Variants in CCDC88A observed in about 807,000 individuals in gnomAD.
CCDC88A encodes coiled-coil and HOOK domain protein 88A.
In CCDC88A, 54 loss-of-function variants were observed where a neutral mutation model predicts 234.3. The observed-to-expected ratio is 0.23, with a 90% CI of 0.19 to 0.29. The LOEUF (loss-of-function observed/expected upper bound fraction) is 0.29, where lower values mean the gene tolerates loss of function less well. Among genes scored for constraint, CCDC88A ranks in the 10% least tolerant of loss-of-function variants. The probability of loss-of-function intolerance (pLI) is 1.00; values close to 1 mark genes in which losing one functional copy is unlikely to be tolerated. For synonymous variants in CCDC88A, 753 were observed against 737.8 expected (o/e 1.02, Z -0.33); for missense variants, 1,832 against 2,123.4 (o/e 0.86, Z 2.70).
chr2:55,419,147 G>A lies in CCDC88A; in HGVS notation c.-68C>T. On this transcript the variant is annotated 5_prime_UTR_variant, in exon 1 of 33. It adds an upstream start codon to the 5' untranslated region. Coordinates refer to ENST00000436346, the MANE Select transcript of CCDC88A (RefSeq NM_001365480.1). ...ACGCCTAGGGAATTGGTCACTAAAC[G>A]TGGAAGTAAGTAGAAATCAATGAAA... is the stretch of plus-strand genomic sequence containing the variant. 1 of 908,608 alleles carries A rather than the reference G, an allele frequency of 1.1e-6. No homozygotes were observed. The highest frequency in any genetic ancestry group is 1.8e-6 in the Non-Finnish European group (1 of 557,440). The allele number at this position is 908,608 out of a possible 1,614,324, so 56.3% of individuals were successfully genotyped here. A position where few individuals can be genotyped will look rare whatever the true frequency, so the allele number is the denominator to read the frequency against.
rs1459908941 is a variant in CCDC88A at position 55,309,534 on chromosome 2, A to G, written c.4080-280T>C. Among the ~76,000 whole-genome samples the G allele has an allele frequency of 6.6e-6, 1 of 152,206 alleles. No homozygotes were observed. The highest frequency in any genetic ancestry group is 1.5e-5 in the Non-Finnish European group (1 of 68,014). ...AACATTGTTTAGTTTGCTTACAATTATAGATATAATAAATAATCCTGCAAA... is the reference window on the plus strand; with the variant it reads ...AACATTGTTTAGTTTGCTTACAATTGTAGATATAATAAATAATCCTGCAAA... On this transcript the variant is annotated intron_variant, in intron 23 of 32. Transcript: ENST00000436346. The surrounding 1 kb of genome is among the most constrained non-coding windows in gnomAD (Gnocchi z 5.1).
chr2:55,336,950 G>C, intron 13 of CCDC88A, 132 bp from the exon 14 acceptor site: 1 of 532,896 alleles, frequency 1.9e-6, no homozygotes, highest in Non-Finnish European at 3.2e-6. Context: ...TAAGAAATTA[G>C]TATAGAAATT....
intron 3 of CCDC88A, among the ~76,000 whole-genome samples, chr2:55,382,822 A>G (rs1277393285): frequency 6.6e-6 from 1 of 152,046 alleles, no homozygotes; most frequent in Admixed American, 6.6e-5. Context: ...TTCTCTCATG[A>G]CCTCTCATAT....
In CCDC88A at chr2:55,332,519, AAAAAAAAAAAAT is replaced by A. The variant is rs770785719; in HGVS notation, c.2855+35_2855+46del. The A allele has an allele frequency of 6.4e-7, 1 of 1,569,474 alleles. No individual in the cohort carries two copies. Among genetic ancestry groups the A allele is most frequent in the Admixed American group, 1.9e-5 (1 of 52,524 alleles). Reference sequence around the variant, plus strand: ...CAGAAAGAATTCATGTATGAGCAAAAAAAAAAAAAAATTTTCAACTGTTTGCCAAGTAGACTT... The same window carrying A: ...CAGAAAGAATTCATGTATGAGCAAAATTTCAACTGTTTGCCAAGTAGACTT... On this transcript the variant is annotated intron_variant, in intron 16 of 32. Transcript: ENST00000436346. The surrounding 1 kb of genome is among the most constrained non-coding windows in gnomAD (Gnocchi z 4.5).
intron 29 of CCDC88A, among the ~76,000 whole-genome samples, chr2:55,299,220 C>G (rs1037317838): frequency 6.6e-6 from 1 of 152,016 alleles, no homozygotes; most frequent in African/African-American, 2.4e-5. Flanking sequence ...AACAAACAAA[C>G]AACTTCCAGA....
chr2:55,327,208 C>T (rs1684375071), intron 17 of CCDC88A, among the ~76,000 whole-genome samples: 1 of 151,894 alleles, frequency 6.6e-6, no homozygotes, highest in African/African-American at 2.4e-5. Context: ...ATGGTGTCAG[C>T]AAATAGTGGA....
chr2:55,360,460 T>A (rs554021509), intron 7 of CCDC88A, among the ~76,000 whole-genome samples: 3 of 152,304 alleles, frequency 2.0e-5, no homozygotes, highest in East Asian at 3.9e-4. Context: ...GGGAAAAAAA[T>A]TTCCCGGATA....
chr2:55,349,868 C>T (rs193279718), intron 8 of CCDC88A: 44 of 259,262 alleles, frequency 1.7e-4, no homozygotes, highest in South Asian at 5.5e-4. Context: ...TTTCATCTTT[C>T]CTGCCCTTCC....
At chr2:55,307,859 C>G (rs1681811935) in intron 25 of CCDC88A, 2 of 152,146 alleles carry the variant, frequency 1.3e-5, no homozygotes, top group Non-Finnish European at 2.9e-5. Flanking sequence ...GCAATCTTGA[C>G]CCACTGAAAA....
At chr2:55,409,215 T>C (rs4672035) in intron 2 of CCDC88A, among the ~76,000 whole-genome samples, 124,044 of 152,132 alleles carry the variant, frequency 0.82, 51,436 homozygotes, top group Admixed American at 0.91. Context: ...TTTCTCAAAC[T>C]TCCTAATTCC....
chr2:55,372,674 C>CAT (rs1673014513), intron 4 of CCDC88A, among the ~76,000 whole-genome samples, 164 bp from the exon 5 acceptor site: 1 of 151,902 alleles, frequency 6.6e-6, no homozygotes, highest in East Asian at 1.9e-4. Context: ...TGTATGTACA[C>CAT]GGTGGTAACA....
chr2:55,307,394 T>G (rs940964384), intron 25 of CCDC88A, among the ~76,000 whole-genome samples: 17 of 151,360 alleles, frequency 1.1e-4, no homozygotes, highest in African/African-American at 4.2e-4. Context: ...AGTTTCACTC[T>G]TGTTGCCCAG....
chr2:55,367,837 G>A (rs1672249122), intron 5 of CCDC88A, among the ~76,000 whole-genome samples: 1 of 152,000 alleles, frequency 6.6e-6, no homozygotes, highest in South Asian at 2.1e-4. Flanking sequence ...ACATAAAAGG[G>A]TCAAAATTTT....
chr2:55,312,383 G>T, intron 23 of CCDC88A, 51 bp downstream of exon 23: 2 of 1,539,466 alleles, frequency 1.3e-6, no homozygotes, highest in African/African-American at 1.4e-5. Flanking sequence ...GTATGGCAAT[G>T]ATAAAATCAT....
chr2:55,365,973 C>G (rs1486194242), intron 5 of CCDC88A, among the ~76,000 whole-genome samples: 1 of 152,030 alleles, frequency 6.6e-6, no homozygotes, highest in Non-Finnish European at 1.5e-5. Context: ...TTTAAATAGC[C>G]ACATGCGGCT....
At chr2:55,295,535 A>C (rs1249625706) in intron 31 of CCDC88A, 62 bp downstream of exon 31, 1 of 1,613,788 alleles carries the variant, frequency 6.2e-7, no homozygotes, top group Non-Finnish European at 8.5e-7. Context: ...GGGCACAAGA[A>C]CCTATAGTAT....
At chr2:55,341,336 C>T (rs1262059935) in intron 12 of CCDC88A, among the ~76,000 whole-genome samples, 2 of 151,316 alleles carry the variant, frequency 1.3e-5, no homozygotes, top group African/African-American at 2.4e-5. Flanking sequence ...TCAGTAGAGA[C>T]GGGGTTTCAT....
In CCDC88A at chr2:55,349,196, T is replaced by C. The variant is rs375306185; in HGVS notation, c.882+322A>G. 109 of 241,220 alleles carry C rather than the reference T, an allele frequency of 4.5e-4. No individual in the cohort carries two copies. The South Asian group carries it at 8.7e-3, about 19-fold the overall frequency. The allele number at this position is 241,220 out of a possible 1,614,324, so 14.9% of individuals were successfully genotyped here. On this transcript the variant is annotated intron_variant, in intron 9 of 32. Coordinates refer to ENST00000436346, the MANE Select transcript of CCDC88A (RefSeq NM_001365480.1). ...GAGCAGAGACACAGAGAGATACACA[T>C]AAAGAGCACAGTTTACAGTAGAGGT...
intron 10 of CCDC88A, among the ~76,000 whole-genome samples, chr2:55,345,040 T>C (rs1668928072): frequency 6.6e-6 from 1 of 152,164 alleles, no homozygotes; most frequent in Non-Finnish European, 1.5e-5. Flanking sequence ...TCCCTGCATA[T>C]GTTTTGAAGA....
Sources: gnomAD v4.1 joint callset for allele counts (sites outside exome capture counted in the v4.1 genomes callset) on GRCh38, gnomAD v4.1.1 for gene constraint, Gnocchi (gnomAD v3.1) non-coding constraint, MANE v1.5 for transcripts, NCBI Gene and HGNC (gene_info 2026-07-23, HGNC 2026-07-21) for gene names.